The following ZNF804A variants were observed in gnomAD, a reference collection of about 807,000 sequenced individuals.
The protein encoded by ZNF804A is zinc finger protein 804A.
Under a neutral mutation model 16.5 loss-of-function variants are expected in ZNF804A, and 2 were observed. The ratio of observed to expected loss-of-function variants is 0.12; its 90% CI spans 0.05 to 0.38. ZNF804A has a LOEUF of 0.38. Among genes scored for constraint, ZNF804A ranks in the 10% least tolerant of loss-of-function variants. The pLI, the probability that ZNF804A is intolerant of heterozygous loss-of-function variation, is 0.99. For synonymous variants in ZNF804A, 534 were observed against 489.6 expected (o/e 1.09, Z -1.20); for missense variants, 1,473 against 1,390.7 (o/e 1.06, Z -0.94).
At chr2:184,917,572 C>G (rs1685468964) in intron 2 of ZNF804A, among the ~76,000 whole-genome samples, 1 of 151,580 alleles carries the variant, frequency 6.6e-6, no homozygotes, top group Non-Finnish European at 1.5e-5. Flanking sequence ...AAAAAAAGAC[C>G]ATATTCCCAA....
intron 2 of ZNF804A, among the ~76,000 whole-genome samples, chr2:184,895,942 A>G (rs1685058094): frequency 6.6e-6 from 1 of 152,182 alleles, no homozygotes; most frequent in Non-Finnish European, 1.5e-5. Flanking sequence ...AGCATGTAAT[A>G]AAGTTTAATT....
At chr2:184,663,099 G>A (rs770495037) in intron 1 of ZNF804A, among the ~76,000 whole-genome samples, 3 of 152,204 alleles carry the variant, frequency 2.0e-5, no homozygotes, top group Non-Finnish European at 2.9e-5. Flanking sequence ...CATGCTCAAT[G>A]GACCTGGCAG....
chr2:184,845,787 CT>C, intron 1 of ZNF804A, among the ~76,000 whole-genome samples: 1 of 152,196 alleles, frequency 6.6e-6, no homozygotes, highest in South Asian at 2.1e-4. Flanking sequence ...GGGGGTGTCC[CT>C]CTAAGATTGC....
chr2:184,780,379 T>A (rs13010468), intron 1 of ZNF804A, among the ~76,000 whole-genome samples: 5,317 of 151,902 alleles, frequency 0.035, 150 homozygotes, highest in Middle Eastern at 0.061. Flanking sequence ...TAAACTTTTT[T>A]AAAAAAATTA....
At chr2:184,929,737 C>T (rs1274939035) in intron 2 of ZNF804A, among the ~76,000 whole-genome samples, 1 of 152,122 alleles carries the variant, frequency 6.6e-6, no homozygotes, top group African/African-American at 2.4e-5. Context: ...ACTTCTTTTA[C>T]ATCTTATTGT....
intron 1 of ZNF804A, among the ~76,000 whole-genome samples, chr2:184,795,168 G>T (rs1354133973): frequency 6.6e-6 from 1 of 152,006 alleles, no homozygotes; most frequent in Admixed American, 6.6e-5. Flanking sequence ...CATATTTTAG[G>T]CCACAAAATG....
chr2:184,623,094 T>C (rs1175486597), intron 1 of ZNF804A, among the ~76,000 whole-genome samples: 1 of 152,086 alleles, frequency 6.6e-6, no homozygotes, highest in East Asian at 1.9e-4. Context: ...ATTGTAGTCA[T>C]AGAAGAGGTA....
chr2:184,905,060 A>G (rs1340625243), intron 2 of ZNF804A, among the ~76,000 whole-genome samples: 1 of 151,022 alleles, frequency 6.6e-6, no homozygotes, highest in Non-Finnish European at 1.5e-5. Context: ...TTCTATGTTG[A>G]ATCATTTTAC....
At chr2:184,886,885 G>A (rs1024074032) in intron 2 of ZNF804A, among the ~76,000 whole-genome samples, 1 of 152,190 alleles carries the variant, frequency 6.6e-6, no homozygotes, top group South Asian at 2.1e-4. Flanking sequence ...CTGCCATGAG[G>A]GTCTCTGACA....
At chr2:184,725,898 G>C (rs960162835) in intron 1 of ZNF804A, among the ~76,000 whole-genome samples, 26 of 151,680 alleles carry the variant, frequency 1.7e-4, no homozygotes, top group African/African-American at 6.3e-4. Flanking sequence ...TGAATCTTTT[G>C]AGTTAGAATT....
chr2:184,625,840 C>A (rs1056839825), intron 1 of ZNF804A, among the ~76,000 whole-genome samples: 3 of 151,930 alleles, frequency 2.0e-5, no homozygotes, highest in Non-Finnish European at 2.9e-5. Flanking sequence ...CAACAGATAA[C>A]CTAACTTTGA....
chr2:184,738,298 A>C (rs529786449), intron 1 of ZNF804A, among the ~76,000 whole-genome samples: 1 of 152,088 alleles, frequency 6.6e-6, no homozygotes, highest in African/African-American at 2.4e-5. Context: ...AGGACAGTAC[A>C]TGTGTAAGCA....
chr2:184,851,144 C>T (rs1695595577), intron 1 of ZNF804A, among the ~76,000 whole-genome samples: 1 of 151,744 alleles, frequency 6.6e-6, no homozygotes, highest in African/African-American at 2.4e-5. Context: ...CTCAATCAAG[C>T]TAATTAATAT....
intron 1 of ZNF804A, among the ~76,000 whole-genome samples, chr2:184,827,843 G>C (rs1291465521): frequency 1.3e-5 from 2 of 151,454 alleles, no homozygotes; most frequent in Non-Finnish European, 3.0e-5. Flanking sequence ...ACCCATTACT[G>C]TCAGCTGTAA....
intron 1 of ZNF804A, among the ~76,000 whole-genome samples, chr2:184,786,243 C>T (rs1359372194): frequency 3.3e-5 from 5 of 152,040 alleles, no homozygotes; most frequent in South Asian, 4.2e-4. Context: ...GCTTGCTTTT[C>T]GTTGGAATTC....
chr2:184,718,900 C>A (rs914528988), intron 1 of ZNF804A, among the ~76,000 whole-genome samples: 3 of 152,106 alleles, frequency 2.0e-5, no homozygotes, highest in African/African-American at 7.2e-5. Flanking sequence ...ACAGCTCAAG[C>A]AGGCGGTGCC....
chr2:184,637,698 G>A (rs930413280), intron 1 of ZNF804A, among the ~76,000 whole-genome samples: 2 of 61,760 alleles, frequency 3.2e-5, no homozygotes, highest in Non-Finnish European at 7.4e-5. Context: ...GCTTTTTAAG[G>A]TATTTTATGA....
intron 2 of ZNF804A, among the ~76,000 whole-genome samples, chr2:184,927,732 G>A (rs1274853535): frequency 2.0e-5 from 3 of 152,140 alleles, no homozygotes; most frequent in African/African-American, 7.2e-5. Flanking sequence ...CATTTCCTAA[G>A]GCAGAGGAGC....
chr2:184,627,615 G>A (rs879719419), intron 1 of ZNF804A, among the ~76,000 whole-genome samples: 1 of 152,072 alleles, frequency 6.6e-6, no homozygotes, highest in Admixed American at 6.5e-5. Context: ...AAGTGTATAT[G>A]CAAATGTATT....
Sources: allele counts gnomAD v4.1 joint callset (sites outside exome capture counted in the v4.1 genomes callset), GRCh38; gene constraint gnomAD v4.1.1; transcripts MANE v1.5; gene names NCBI Gene and HGNC (gene_info 2026-07-23, HGNC 2026-07-21).